Variants in MAPK10 observed in about 807,000 individuals in gnomAD.
MAPK10 encodes JNK3 alpha protein kinase.
In MAPK10, 25 loss-of-function variants were observed where a neutral mutation model predicts 59.3. That is an observed-to-expected ratio of 0.42 (90% CI 0.31 to 0.59). MAPK10 has a LOEUF of 0.59. Ranked by LOEUF, MAPK10 falls within the 20% of genes least tolerant of loss-of-function variation. The pLI, the probability that MAPK10 is intolerant of heterozygous loss-of-function variation, is 0.15. For synonymous variants in MAPK10, 190 were observed against 200.5 expected (o/e 0.95, Z 0.44); for missense variants, 351 against 568.9 (o/e 0.62, Z 3.90).
At chr4:86,496,847 A>G (rs1460360477) in intron 1 of MAPK10, among the ~76,000 whole-genome samples, 4 of 152,176 alleles carry the variant, frequency 2.6e-5, no homozygotes, top group Admixed American at 2.6e-4. Context: ...TGGAGGGCTA[A>G]GCACACGCTT....
intron 2 of MAPK10, among the ~76,000 whole-genome samples, chr4:86,329,819 A>G (rs2096111680): frequency 7.0e-6 from 1 of 142,416 alleles, no homozygotes; most frequent in South Asian, 2.4e-4. Context: ...AAAACCCATC[A>G]TATCTTAAGA....
chr4:86,281,506 A>AAAAATAAAATAAAATAAAAT (rs141438558), intron 2 of MAPK10, among the ~76,000 whole-genome samples: 3 of 148,532 alleles, frequency 2.0e-5, no homozygotes, highest in African/African-American at 5.0e-5. Flanking sequence ...CCTCAAAATA[A>AAAAATAAAATAAAATAAAAT]AAAATAAAAT....
At chr4:86,183,588 C>T (rs574533216) in intron 3 of MAPK10, among the ~76,000 whole-genome samples, 18 of 151,902 alleles carry the variant, frequency 1.2e-4, no homozygotes, top group African/African-American at 3.6e-4. Flanking sequence ...TGAATAGTGC[C>T]GCAATAAACA....
chr4:86,534,975 T>TAC (rs1466873093), intron 1 of MAPK10, among the ~76,000 whole-genome samples: 1 of 152,150 alleles, frequency 6.6e-6, no homozygotes, highest in Non-Finnish European at 1.5e-5. Context: ...GATCAGTTCA[T>TAC]ACCTTCTCCA....
chr4:86,215,645 G>A (rs1383033812), intron 2 of MAPK10, among the ~76,000 whole-genome samples: 3 of 152,196 alleles, frequency 2.0e-5, no homozygotes, highest in Non-Finnish European at 4.4e-5. Flanking sequence ...GATGGATCAC[G>A]AGGTTAGGAG....
At chr4:86,245,851 G>A (rs1165287544) in intron 2 of MAPK10, among the ~76,000 whole-genome samples, 1 of 152,050 alleles carries the variant, frequency 6.6e-6, no homozygotes, top group African/African-American at 2.4e-5. Flanking sequence ...AAATGAAAGG[G>A]TAAAGTAGAT....
At chr4:86,328,400 G>A (rs1440018049) in intron 2 of MAPK10, among the ~76,000 whole-genome samples, 1 of 152,182 alleles carries the variant, frequency 6.6e-6, no homozygotes, top group Non-Finnish European at 1.5e-5. Context: ...TACACTGTTC[G>A]TGGGAATGTA....
chr4:86,108,895 C>T (rs918915351), intron 4 of MAPK10, among the ~76,000 whole-genome samples: 4 of 152,132 alleles, frequency 2.6e-5, no homozygotes, highest in African/African-American at 9.7e-5. Context: ...TAGCATTTTT[C>T]CCCTAAGTCT....
intron 9 of MAPK10, among the ~76,000 whole-genome samples, chr4:86,085,261 C>T (rs554397348): frequency 1.3e-5 from 2 of 151,816 alleles, no homozygotes; most frequent in South Asian, 2.1e-4. Context: ...TCATATCAAG[C>T]TAAAAACTTC....
chr4:86,231,561 G>A (rs1046987052), intron 2 of MAPK10, among the ~76,000 whole-genome samples: 5 of 152,058 alleles, frequency 3.3e-5, no homozygotes, highest in African/African-American at 9.7e-5. Flanking sequence ...TACTCGAGAG[G>A]CTGAGACAGG....
chr4:86,039,502 T>C (rs545263403), intron 11 of MAPK10, among the ~76,000 whole-genome samples: 1 of 152,272 alleles, frequency 6.6e-6, no homozygotes, highest in African/African-American at 2.4e-5. Flanking sequence ...CTTCCACACC[T>C]TTCCCAGCAC....
At chr4:86,336,194 C>T (rs2148926258) in intron 2 of MAPK10, 1 of 152,182 alleles carries the variant, frequency 6.6e-6, no homozygotes, top group East Asian at 1.9e-4. Context: ...CAGATAATTG[C>T]TAAGGGCAGA....
At chr4:86,440,412 A>C (rs186863122) in intron 1 of MAPK10, among the ~76,000 whole-genome samples, 225 of 152,258 alleles carry the variant, frequency 1.5e-3, no homozygotes, top group Non-Finnish European at 2.4e-3. Flanking sequence ...AGGCAGGAAT[A>C]TCTTTTGAAC....
chr4:86,364,319 G>A (rs1206360706), upstream of MAPK10, among the ~76,000 whole-genome samples: 4 of 152,010 alleles, frequency 2.6e-5, no homozygotes, highest in African/African-American at 4.8e-5. Flanking sequence ...GGTAGAGACA[G>A]GGTTTCACCA....
chr4:86,027,459 T>C (rs1750933729), intron 13 of MAPK10: 1 of 152,212 alleles, frequency 6.6e-6, no homozygotes, highest in African/African-American at 2.4e-5. Context: ...CAAACCTTTA[T>C]GTGAAGCATG....
rs546535589 is a variant in MAPK10 at position 86,550,621 on chromosome 4, T to C, written c.-263+43289A>G. ...GGGAGGCTGAGGCAGGAGAATCACT[T>C]GAACCTGGGAGGCAGAGGTTGCAGT... On this transcript the variant is annotated intron_variant, in intron 1 of 4. Transcript: ENST00000502302. Among the ~76,000 whole-genome samples, 6 of 152,230 alleles carry C rather than the reference T, an allele frequency of 3.9e-5. No homozygotes were observed. In the South Asian group the frequency reaches 1.0e-3, roughly 26 times the overall value.
At chr4:86,335,037 G>C (rs1001077186) in intron 2 of MAPK10, 4 of 152,080 alleles carry the variant, frequency 2.6e-5, no homozygotes, top group Non-Finnish European at 5.9e-5. Context: ...ATACATAATG[G>C]AAAAGAAGGA....
At chr4:86,554,818 T>C (rs1760128141) in intron 1 of MAPK10, among the ~76,000 whole-genome samples, 1 of 152,238 alleles carries the variant, frequency 6.6e-6, no homozygotes, top group Non-Finnish European at 1.5e-5. Flanking sequence ...AGCTCTTTTG[T>C]ATGGGCACAA....
intron 1 of MAPK10, among the ~76,000 whole-genome samples, chr4:86,410,069 A>G (rs1484924832): frequency 6.6e-6 from 1 of 152,104 alleles, no homozygotes; most frequent in African/African-American, 2.4e-5. Flanking sequence ...ATTTTGAGAT[A>G]ATTTCATCAA....
Sources: allele counts gnomAD v4.1 joint callset (sites outside exome capture counted in the v4.1 genomes callset), GRCh38; gene constraint gnomAD v4.1.1; transcripts MANE v1.5; gene names NCBI Gene and HGNC (gene_info 2026-07-23, HGNC 2026-07-21).